CLMN: variants seen among roughly 807,000 people sequenced by gnomAD.
The protein encoded by CLMN is calmin.
Under a neutral mutation model 92.7 loss-of-function variants are expected in CLMN, and 57 were observed. The ratio of observed to expected loss-of-function variants is 0.61; its 90% CI spans 0.50 to 0.77. The LOEUF is 0.77. Ranked by LOEUF, CLMN falls within the 30% of genes least tolerant of loss-of-function variation. CLMN has a pLI of 0.00. For synonymous variants in CLMN, 466 were observed against 470.6 expected (o/e 0.99, Z 0.13); for missense variants, 1,158 against 1,237.5 (o/e 0.94, Z 0.96).
At chr14:95,220,858 G>A (rs1897515774) in intron 4 of CLMN, among the ~76,000 whole-genome samples, 1 of 152,224 alleles carries the variant, frequency 6.6e-6, no homozygotes, top group African/African-American at 2.4e-5. Flanking sequence ...GCAGGGGCAG[G>A]GCGGTGAGGG....
Position 95,266,997 on chromosome 14 carries a change from T to C in CLMN, c.83-36864A>G, listed in dbSNP as rs181987687. On this transcript the variant is annotated intron_variant, in intron 1 of 12. Transcript: ENST00000298912. Reference sequence around the variant, plus strand: ...ATAACCATATGCCAAAGAATAAAGCTAGACTCCTATTTCTGAGCATACAAA... The same window carrying C: ...ATAACCATATGCCAAAGAATAAAGCCAGACTCCTATTTCTGAGCATACAAA... 9.8e-5 allele frequency among the ~76,000 whole-genome samples: 15 copies of C among 152,296 alleles called. No individual in the cohort carries two copies. In the East Asian group the frequency reaches 2.1e-3, roughly 22 times the overall value.
chr14:95,195,047 T>C (rs927452892), intron 10 of CLMN, among the ~76,000 whole-genome samples: 2 of 152,184 alleles, frequency 1.3e-5, no homozygotes, highest in Admixed American at 6.5e-5. Context: ...ACTTTTCACA[T>C]TCCACCCAGT....
chr14:95,213,120 C>T, intron 6 of CLMN, 99 bp downstream of exon 6: 1 of 1,294,310 alleles, frequency 7.7e-7, no homozygotes. Flanking sequence ...GCAATGGGCA[C>T]ATACATAACT....
At position 95,191,604 on chromosome 14, in the gene CLMN, C is replaced by A; in HGVS notation, c.2969G>T (p.Cys990Phe). The A allele has an allele frequency of 6.2e-7, 1 of 1,613,492 alleles. No individual in the cohort carries two copies. Among genetic ancestry groups the A allele is most frequent in the Non-Finnish European group, 8.5e-7 (1 of 1,179,862 alleles). The change falls in exon 13 of 13, where the codon TGC becomes TTC. Residue 990 changes from cysteine (C) to phenylalanine (F), a missense_variant. By Grantham distance (205) the Cys-to-Phe change is radical (BLOSUM62 -2). Coordinates refer to ENST00000298912, the MANE Select transcript of CLMN (RefSeq NM_024734.4). The surrounding 1 kb of genome is among the most constrained non-coding windows in gnomAD (Gnocchi z 5.3). ...FILFLWLLVY[C>F]LLLFPQLDVS... is the part of the protein sequence containing the mutation. ...ATCCAGTTGTGGGAAGAGCAGCAAG[C>A]AGTACACCAGGAGCCACAGGAAGAG...
intron 1 of CLMN, among the ~76,000 whole-genome samples, chr14:95,255,121 G>T (rs1898942909): frequency 6.6e-6 from 1 of 152,218 alleles, no homozygotes; most frequent in Admixed American, 6.5e-5. Flanking sequence ...GGATGACCAT[G>T]AGAGGAGGGG....
chr14:95,210,361 A>C (rs1053356027), intron 7 of CLMN, among the ~76,000 whole-genome samples: 1 of 152,192 alleles, frequency 6.6e-6, no homozygotes, highest in Non-Finnish European at 1.5e-5. Flanking sequence ...CACTAAGTAC[A>C]TTTTAGTATG....
At position 95,239,748 on chromosome 14, in the gene CLMN, G is replaced by A. The variant is rs559929360; in HGVS notation, c.83-9615C>T. Among the ~76,000 whole-genome samples the A allele has an allele frequency of 7.9e-5, 12 of 152,282 alleles. 1 individual carries two copies. The South Asian group carries it at 2.5e-3, about 32-fold the overall frequency. On this transcript the variant is annotated intron_variant, in intron 1 of 12. Coordinates refer to ENST00000298912, the MANE Select transcript of CLMN (RefSeq NM_024734.4). ...GCAATGAAGAAATTGGTTTAACTTTGTTTAAACTAAGTGCATTTGAACCCA... is the reference window on the plus strand; with the variant it reads ...GCAATGAAGAAATTGGTTTAACTTTATTTAAACTAAGTGCATTTGAACCCA...
chr14:95,260,746 AGT>A (rs1899219026), intron 1 of CLMN: 3 of 152,238 alleles, frequency 2.0e-5, no homozygotes, highest in African/African-American at 7.2e-5. Context: ...TCCTGGTGGA[AGT>A]GTCTTTGACT....
At chr14:95,223,735 T>G in intron 3 of CLMN, 25 bp downstream of exon 3, 1 of 1,563,718 alleles carries the variant, frequency 6.4e-7, no homozygotes, top group Non-Finnish European at 8.7e-7. Context: ...TTTCTTTCTT[T>G]CTGACCCTTC....
At chr14:95,246,006 C>T (rs1595054501) in intron 1 of CLMN, among the ~76,000 whole-genome samples, 1 of 152,162 alleles carries the variant, frequency 6.6e-6, no homozygotes, top group Non-Finnish European at 1.5e-5. Context: ...TATGATATTC[C>T]CTCGTATTAA....
chr14:95,192,077 G>C (rs1249196747), intron 12 of CLMN: 1 of 193,992 alleles, frequency 5.2e-6, no homozygotes, highest in African/African-American at 2.3e-5. Flanking sequence ...AGGGCGCCTA[G>C]GCCAGGTCTC....
At chr14:95,245,174 TTATATATATATA>T (rs1226855465) in intron 1 of CLMN, among the ~76,000 whole-genome samples, 5 of 50,440 alleles carry the variant, frequency 9.9e-5, no homozygotes, top group African/African-American at 4.6e-4. Context: ...ACTGGTTATA[TTATATATATATA>T]TATATATAAT....
intron 1 of CLMN, among the ~76,000 whole-genome samples, chr14:95,274,121 T>TACC (rs2140726966): frequency 6.6e-6 from 1 of 152,314 alleles, no homozygotes; most frequent in African/African-American, 2.4e-5. Context: ...TCTCAGCTAT[T>TACC]ACCATTTTAC....
At chr14:95,269,146 G>T (rs985139682) in intron 1 of CLMN, among the ~76,000 whole-genome samples, 1 of 151,790 alleles carries the variant, frequency 6.6e-6, no homozygotes, top group African/African-American at 2.4e-5. Context: ...CAAAATGAAA[G>T]GTTAAAAATA....
intron 5 of CLMN, among the ~76,000 whole-genome samples, chr14:95,213,808 C>T (rs1280714925): frequency 1.3e-5 from 2 of 152,094 alleles, no homozygotes; most frequent in Non-Finnish European, 2.9e-5. Flanking sequence ...CCTCGATGTC[C>T]CTTCCCTCCA....
At chr14:95,290,452 A>C (rs953194348) in intron 1 of CLMN, among the ~76,000 whole-genome samples, 3 of 152,236 alleles carry the variant, frequency 2.0e-5, no homozygotes, top group African/African-American at 7.2e-5. Flanking sequence ...AGACAGAGGG[A>C]GATGTGATCC....
rs1900602026 is a variant in CLMN at position 95,292,351 on chromosome 14, G to T, written c.82+27360C>A. 2.6e-5 allele frequency among the ~76,000 whole-genome samples: 4 copies of T among 152,084 alleles called. No homozygotes were observed. The South Asian group carries it at 8.3e-4, about 32-fold the overall frequency. On this transcript the variant is annotated intron_variant, in intron 1 of 12. Transcript: ENST00000298912. ...TATGCTATTTTTAAAAGTCTCCAGA[G>T]ATTTCATAAGCTCCCCTAGGATGGT...
At chr14:95,280,060 T>A (rs574067244) in intron 1 of CLMN, among the ~76,000 whole-genome samples, 1 of 151,962 alleles carries the variant, frequency 6.6e-6, no homozygotes, top group African/African-American at 2.4e-5. Context: ...TTGTGGAAGG[T>A]TTGTGAAAGA....
chr14:95,186,878 TAAGTG>T lies in CLMN; in HGVS notation c.*4681_*4685del, dbSNP rs1896453605. On this transcript the variant is annotated 3_prime_UTR_variant, in exon 13 of 13. Coordinates refer to ENST00000298912, the MANE Select transcript of CLMN (RefSeq NM_024734.4). ...TGTGCCTAGCCAGTTTTCTGTTTCT[TAAGTG>T]AAGCAAGGGTGGTAAAGAAAACCTA... 6.6e-6 allele frequency: 1 copy of T among 152,242 alleles called. No individual in the cohort carries two copies. The highest frequency in any genetic ancestry group is 1.5e-5 in the Non-Finnish European group (1 of 68,088). 9.4% of individuals were successfully genotyped at this position (152,242 alleles called of 1,614,324 possible).
Sources: allele counts gnomAD v4.1 joint callset (sites outside exome capture counted in the v4.1 genomes callset), GRCh38; gene constraint gnomAD v4.1.1; non-coding constraint Gnocchi (gnomAD v3.1); transcripts MANE v1.5; gene names NCBI Gene and HGNC (gene_info 2026-07-23, HGNC 2026-07-21).